Variants in AFAP1 observed in about 807,000 individuals in gnomAD.
AFAP1 encodes the protein actin filament-associated protein 1.
AFAP1 carries 75 observed loss-of-function variants against 93.9 expected under a neutral mutation model. The observed-to-expected ratio is 0.80, with a 90% CI of 0.66 to 0.97. AFAP1 has a LOEUF of 0.97. Ranked by LOEUF, AFAP1 falls within the 50% of genes least tolerant of loss-of-function variation. The pLI, the probability that AFAP1 is intolerant of heterozygous loss-of-function variation, is 0.00. For missense variants in AFAP1, 1,201 were observed against 1,050.8 expected (o/e 1.14, Z -1.98); for synonymous variants, 517 against 430.7 (o/e 1.20, Z -2.48).
At chr4:7,874,730 T>C (rs2149189163) in intron 1 of AFAP1, among the ~76,000 whole-genome samples, 2 of 151,798 alleles carry the variant, frequency 1.3e-5, no homozygotes, top group East Asian at 3.9e-4. Context: ...ACAGTCTGAG[T>C]GAAGAAGTAA....
chr4:7,782,182 G>A (rs1262059163), intron 12 of AFAP1, among the ~76,000 whole-genome samples: 1 of 152,218 alleles, frequency 6.6e-6, no homozygotes, highest in Admixed American at 6.5e-5. Flanking sequence ...GGGAAAAAGG[G>A]GGAAATGGAA....
At chr4:7,919,195 ACACAGATTATCCCGGC>A (rs780275104) in intron 1 of AFAP1, among the ~76,000 whole-genome samples, 1 of 152,076 alleles carries the variant, frequency 6.6e-6, no homozygotes, top group Non-Finnish European at 1.5e-5. Flanking sequence ...AGGGAAATTC[ACACAGATTATCCCGGC>A]CCAACGGCGG....
intron 6 of AFAP1, among the ~76,000 whole-genome samples, chr4:7,828,552 T>C (rs1281181603): frequency 6.6e-6 from 1 of 152,132 alleles, no homozygotes; most frequent in Non-Finnish European, 1.5e-5. Context: ...CTATCCGGCC[T>C]GTTCTCTGCA....
At chr4:7,787,129 C>G (rs1230101206) in intron 11 of AFAP1, among the ~76,000 whole-genome samples, 5 of 152,252 alleles carry the variant, frequency 3.3e-5, no homozygotes, top group African/African-American at 7.2e-5. Context: ...AGGATGAGAG[C>G]TGGTTGCCAG....
chr4:7,844,943 G>A (rs560740995), intron 4 of AFAP1, among the ~76,000 whole-genome samples: 17 of 152,324 alleles, frequency 1.1e-4, no homozygotes, highest in Admixed American at 4.6e-4. Flanking sequence ...TGGCCAATGC[G>A]GTTGCAATAC....
chr4:7,880,868 A>G (rs188615507), intron 1 of AFAP1, among the ~76,000 whole-genome samples: 144 of 152,282 alleles, frequency 9.5e-4, no homozygotes, highest in East Asian at 1.7e-3. Context: ...GCATCTGAGA[A>G]ACACGGGGAA....
chr4:7,888,984 G>T (rs996802776), intron 1 of AFAP1, among the ~76,000 whole-genome samples: 2 of 151,768 alleles, frequency 1.3e-5, no homozygotes, highest in South Asian at 2.1e-4. Context: ...TAAAGACGGG[G>T]TTTCACCATG....
chr4:7,789,839 G>A (rs1717701516), intron 11 of AFAP1, among the ~76,000 whole-genome samples: 1 of 152,214 alleles, frequency 6.6e-6, no homozygotes, highest in Non-Finnish European at 1.5e-5. Context: ...GGGGCTCCCA[G>A]CTGAGTGTGA....
At chr4:7,862,852 T>C (rs941321431) in intron 3 of AFAP1, among the ~76,000 whole-genome samples, 1 of 152,128 alleles carries the variant, frequency 6.6e-6, no homozygotes, top group African/African-American at 2.4e-5. Flanking sequence ...TCCTGAGCCA[T>C]GAAGATCTGA....
intron 6 of AFAP1, among the ~76,000 whole-genome samples, chr4:7,836,875 G>A (rs1712367025): frequency 6.6e-6 from 1 of 151,018 alleles, no homozygotes; most frequent in African/African-American, 2.4e-5. Flanking sequence ...GTGAATTTAT[G>A]GTATGTGAAT....
At chr4:7,936,891 A>G (rs974682601) in intron 1 of AFAP1, among the ~76,000 whole-genome samples, 41 of 152,142 alleles carry the variant, frequency 2.7e-4, no homozygotes, top group African/African-American at 9.4e-4. Context: ...ACAAGTGGTA[A>G]TTTTAAACTA....
In AFAP1 at chr4:7,774,779, C is replaced by T. The variant is rs748110442; in HGVS notation, c.2022G>A (p.Lys674=). The T allele has an allele frequency of 1.2e-6, 2 of 1,614,214 alleles. No individual in the cohort carries two copies. The highest frequency in any genetic ancestry group is 1.7e-5 in the Admixed American group (1 of 60,024). Residue 674 remains lysine, a synonymous_variant, in exon 15 of 18, where the codon AAG becomes AAA. Coordinates refer to ENST00000420658, the MANE Select transcript of AFAP1 (RefSeq NM_001134647.2). ...ALRNRLAQLR[K]ERKDLRAAIE... ...TAGCCGCTCGAAGGTCTTTTCTTTC[C>T]TTGCGGAGCTGGGCCAGCCTATTCC...
chr4:7,892,600 T>C lies in AFAP1; in HGVS notation c.-2-20520A>G, dbSNP rs117128721. ...TTGCACTTGAACTTGATTATATGCA[T>C]CTCTCAGCCATGATTTAAATAAAAA... is the stretch of plus-strand genomic sequence containing the variant. On this transcript the variant is annotated intron_variant, in intron 1 of 17. Transcript: ENST00000420658. Among the ~76,000 whole-genome samples the C allele has an allele frequency of 1.7e-4, 26 of 152,284 alleles. No individual in the cohort carries two copies. In the East Asian group the frequency reaches 2.7e-3, roughly 16 times the overall value.
chr4:7,903,669 A>T (rs972386667), intron 1 of AFAP1, among the ~76,000 whole-genome samples: 2 of 152,206 alleles, frequency 1.3e-5, no homozygotes, highest in South Asian at 4.1e-4. Context: ...ACACAGCAAG[A>T]CTGTGTCTCA....
intron 4 of AFAP1, among the ~76,000 whole-genome samples, chr4:7,848,374 G>A (rs557530358): frequency 1.3e-5 from 2 of 152,136 alleles, no homozygotes; most frequent in South Asian, 2.1e-4. Flanking sequence ...GGCTCAGTCC[G>A]AGTCCAAAAG....
chr4:7,825,642 TA>T (rs1179086387), intron 6 of AFAP1, among the ~76,000 whole-genome samples: 3 of 151,982 alleles, frequency 2.0e-5, no homozygotes, highest in Non-Finnish European at 4.4e-5. Context: ...GAAAAAAGGC[TA>T]AAAACTCAAT....
chr4:7,855,132 G>T (rs996820633), intron 4 of AFAP1, among the ~76,000 whole-genome samples: 8 of 152,176 alleles, frequency 5.3e-5, no homozygotes, highest in Non-Finnish European at 1.2e-4. Context: ...GAGCATCAAA[G>T]ACTAAGGAAG....
chr4:7,892,596 T>A (rs1448248329), intron 1 of AFAP1, among the ~76,000 whole-genome samples: 5 of 152,172 alleles, frequency 3.3e-5, no homozygotes, highest in African/African-American at 7.2e-5. Context: ...CTTGATTATA[T>A]GCATCTCTCA....
chr4:7,786,396 T>C, intron 11 of AFAP1, 85 bp from the exon 12 acceptor site: 1 of 1,131,496 alleles, frequency 8.8e-7, no homozygotes, highest in Non-Finnish European at 1.3e-6. Context: ...TCTGACTTTA[T>C]GCCCAAGGCT....
Sources: allele counts gnomAD v4.1 joint callset (sites outside exome capture counted in the v4.1 genomes callset), GRCh38; gene constraint gnomAD v4.1.1; transcripts MANE v1.5; gene names NCBI Gene and HGNC (gene_info 2026-07-23, HGNC 2026-07-21).